The following STX18 variants were observed in gnomAD, a reference collection of about 807,000 sequenced individuals.
STX18 encodes the protein syntaxin-18.
STX18 carries 40 observed loss-of-function variants against 50.1 expected under a neutral mutation model. The ratio of observed to expected loss-of-function variants is 0.80; its 90% CI spans 0.62 to 1.04. The LOEUF is 1.04. Ranked by LOEUF, STX18 falls within the 50% of genes least tolerant of loss-of-function variation. The pLI is 0.00. For synonymous variants in STX18, 158 were observed against 151.8 expected (o/e 1.04, Z -0.30); for missense variants, 410 against 415.8 (o/e 0.99, Z 0.12).
At chr4:4,470,464 G>C (rs1301986872) in intron 2 of STX18, among the ~76,000 whole-genome samples, 2 of 152,200 alleles carry the variant, frequency 1.3e-5, no homozygotes, top group Non-Finnish European at 2.9e-5. Flanking sequence ...CCAAATATGG[G>C]TGAGGAACTA....
intron 1 of STX18, among the ~76,000 whole-genome samples, chr4:4,540,360 C>T (rs1731528205): frequency 6.6e-6 from 1 of 152,138 alleles, no homozygotes; most frequent in Admixed American, 6.5e-5. Context: ...AAGATCTCCG[C>T]GTCCAATTTT....
At chr4:4,448,356 TTTTTTGACAGAGTCTCAC>T (rs1726546487) in intron 5 of STX18, among the ~76,000 whole-genome samples, 1 of 152,006 alleles carries the variant, frequency 6.6e-6, no homozygotes, top group South Asian at 2.1e-4. Context: ...TATGCTTTTT[TTTTTTGACAGAGTCTCAC>T]TCCATCACCC....
chr4:4,439,257 C>T (rs985549934), intron 5 of STX18, among the ~76,000 whole-genome samples: 3 of 135,350 alleles, frequency 2.2e-5, no homozygotes, highest in Admixed American at 1.5e-4. Flanking sequence ...CATATATTCA[C>T]ATATACTCAC....
intron 5 of STX18, among the ~76,000 whole-genome samples, chr4:4,442,803 TAAAA>T (rs71169645): frequency 2.0e-5 from 2 of 100,624 alleles, no homozygotes; most frequent in Non-Finnish European, 2.2e-5. Flanking sequence ...ACAAGTTTAT[TAAAA>T]AAAAAAAAAA....
At position 4,450,725 on chromosome 4, in the gene STX18, C is replaced by T. The variant is rs75584521; in HGVS notation, c.497+6466G>A. Among the ~76,000 whole-genome samples, 1,071 of 152,316 alleles carry T rather than the reference C, an allele frequency of 7.0e-3. 9 individuals carry two copies. Among genetic ancestry groups the T allele is most frequent in the South Asian group, 0.024 (116 of 4,822 alleles). On this transcript the variant is annotated intron_variant, in intron 5 of 10. Transcript: ENST00000306200. Reference sequence around the variant, plus strand: ...CTGGCTTAGGCTATGACTGCCCATGCTAAGCCACCCTCTCCTCCCTGCCCT... The same window carrying T: ...CTGGCTTAGGCTATGACTGCCCATGTTAAGCCACCCTCTCCTCCCTGCCCT...
At position 4,541,866 on chromosome 4, in the gene STX18, G is replaced by A; in HGVS notation, c.99C>T (p.Gly33=). The A allele has an allele frequency of 6.2e-7, 1 of 1,609,760 alleles. No homozygotes were observed. The highest frequency in any genetic ancestry group is 8.5e-7 in the Non-Finnish European group (1 of 1,178,386). The part of the protein sequence containing the change: ...LGVAVGGGVD[G]SRDELFRRSP... ...TCCGGCGGAACAGCTCGTCCCGGCTGCCATCGACCCCGCCGCCCACCGCCA... is the reference window on the plus strand; with the variant it reads ...TCCGGCGGAACAGCTCGTCCCGGCTACCATCGACCCCGCCGCCCACCGCCA... Residue 33 remains glycine (G), a synonymous_variant, in exon 1 of 11, where the codon GGC becomes GGT. Coordinates refer to ENST00000306200, the MANE Select transcript of STX18 (RefSeq NM_016930.4).
intron 1 of STX18, among the ~76,000 whole-genome samples, chr4:4,474,458 C>G (rs10034614): frequency 0.12 from 18,231 of 152,160 alleles, 1,261 homozygotes; most frequent in Non-Finnish European, 0.15. Context: ...TTTCCAGCTT[C>G]CCCAGGCCCA....
chr4:4,514,633 T>C (rs1730154786), intron 1 of STX18, among the ~76,000 whole-genome samples: 1 of 152,178 alleles, frequency 6.6e-6, no homozygotes. Context: ...ATAACATCCA[T>C]CTAGTCTTTG....
chr4:4,527,290 A>G (rs1730814354), intron 1 of STX18, among the ~76,000 whole-genome samples: 1 of 152,208 alleles, frequency 6.6e-6, no homozygotes. Flanking sequence ...CTGTATAAAG[A>G]TGAATTGTGC....
chr4:4,502,009 G>C (rs879794135), intron 1 of STX18, among the ~76,000 whole-genome samples: 1 of 152,090 alleles, frequency 6.6e-6, no homozygotes, highest in Non-Finnish European at 1.5e-5. Context: ...AAAGCTCCAG[G>C]ATACTCCTAA....
At chr4:4,480,720 C>T (rs1728420328) in intron 1 of STX18, among the ~76,000 whole-genome samples, 2 of 152,128 alleles carry the variant, frequency 1.3e-5, no homozygotes, top group Admixed American at 6.5e-5. Context: ...AAACTCCAAA[C>T]ATACTAAGGC....
At chr4:4,425,286 A>G in intron 7 of STX18, 64 bp from the exon 8 acceptor site, 1 of 1,444,616 alleles carries the variant, frequency 6.9e-7, no homozygotes, top group Non-Finnish European at 9.7e-7. Flanking sequence ...TCTAGCAAGA[A>G]AGCGGACCTA....
intron 1 of STX18, among the ~76,000 whole-genome samples, chr4:4,512,258 GCCA>G (rs1730039446): frequency 6.6e-6 from 1 of 151,934 alleles, no homozygotes. Flanking sequence ...ATGAAAACTG[GCCA>G]CCAACAGCTC....
At chr4:4,457,323 A>G (rs1405156688) in intron 4 of STX18, 66 bp from the exon 5 acceptor site, 1 of 1,571,760 alleles carries the variant, frequency 6.4e-7, no homozygotes, top group African/African-American at 1.4e-5. Context: ...AGCCATCATT[A>G]AATATAATGA....
intron 7 of STX18, chr4:4,426,224 C>G (rs527652641): frequency 2.6e-5 from 4 of 152,260 alleles, no homozygotes; most frequent in Admixed American, 2.6e-4. Flanking sequence ...CCAAACTTCC[C>G]GTGTCACCCT....
chr4:4,471,674 A>G lies in STX18; in HGVS notation c.201T>C (p.Leu67=). ...TAATATAATCTTTCCTGTGTTCCAG[A>G]AGAAAATCTCTCAGTTTGCCAATGT... ...ISHIGKLRDF[L]LEHRKDYINA... The change falls in exon 2 of 11, where the codon CTT becomes CTC. Residue 67 remains leucine, a synonymous_variant. Transcript: ENST00000306200. 6.3e-7 allele frequency: 1 copy of G among 1,586,320 alleles called. No individual in the cohort carries two copies. Among genetic ancestry groups the G allele is most frequent in the Non-Finnish European group, 8.5e-7 (1 of 1,172,874 alleles).
chr4:4,471,256 T>C (rs1356557288), intron 2 of STX18, among the ~76,000 whole-genome samples: 2 of 152,206 alleles, frequency 1.3e-5, no homozygotes, highest in African/African-American at 4.8e-5. Flanking sequence ...TGTCACAGAC[T>C]GGGACCGCAA....
At chr4:4,445,415 C>A (rs555134973) in intron 5 of STX18, among the ~76,000 whole-genome samples, 4 of 150,080 alleles carry the variant, frequency 2.7e-5, no homozygotes, top group Admixed American at 6.6e-5. Flanking sequence ...TCAACAACAA[C>A]AACAAAAACA....
intron 1 of STX18, among the ~76,000 whole-genome samples, chr4:4,516,924 T>C (rs568270963): frequency 7.9e-5 from 12 of 152,324 alleles, no homozygotes; most frequent in African/African-American, 2.9e-4. Context: ...GTAGTACCTA[T>C]CTTATTTCCA....
Sources: allele counts gnomAD v4.1 joint callset (sites outside exome capture counted in the v4.1 genomes callset), GRCh38; gene constraint gnomAD v4.1.1; transcripts MANE v1.5; gene names NCBI Gene and HGNC (gene_info 2026-07-23, HGNC 2026-07-21).